R3HCC1L: variants seen among roughly 807,000 people sequenced by gnomAD.
The protein encoded by R3HCC1L is coiled-coil domain-containing protein R3HCC1L.
In R3HCC1L, 51 loss-of-function variants were observed where a neutral mutation model predicts 59.9. The observed-to-expected ratio is 0.85, with a 90% CI of 0.68 to 1.07. The LOEUF (loss-of-function observed/expected upper bound fraction) is 1.07. R3HCC1L is among the 50% of genes least tolerant of loss of function. R3HCC1L has a pLI of 0.00. For synonymous variants in R3HCC1L, 322 were observed against 315.2 expected (o/e 1.02, Z -0.23); for missense variants, 965 against 933.0 (o/e 1.03, Z -0.45).
In R3HCC1L at chr10:98,236,316, CAGG is replaced by C. The variant is rs774804210; in HGVS notation, c.2269+155_2269+157del. On this transcript the variant is annotated intron_variant, in intron 9 of 9. Coordinates refer to ENST00000298999, the MANE Select transcript of R3HCC1L (RefSeq NM_001351015.2). ...TATAGAAATTTTCATGCCTTACGTCCAGGAGAAGATGTTTCAGGATTGTCTGCC... is the reference window on the plus strand; with the variant it reads ...TATAGAAATTTTCATGCCTTACGTCCAGAAGATGTTTCAGGATTGTCTGCC... 5.0e-6 allele frequency: 5 copies of C among 991,996 alleles called. No individual in the cohort carries two copies. In the East Asian group the frequency reaches 1.1e-4, roughly 22 times the overall value. 61.4% of individuals were successfully genotyped at this position (991,996 alleles called of 1,614,324 possible). A position where few individuals can be genotyped will look rare whatever the true frequency, so the allele number is the denominator to read the frequency against.
At chr10:98,221,407 G>T (rs1156890389) in intron 5 of R3HCC1L, among the ~76,000 whole-genome samples, 3 of 148,380 alleles carry the variant, frequency 2.0e-5, no homozygotes, top group South Asian at 2.2e-4. Flanking sequence ...GTCAATTTTG[G>T]CTTTTGTTGC....
chr10:98,241,150 G>T (rs1301939297), intron 9 of R3HCC1L, among the ~76,000 whole-genome samples: 2 of 151,930 alleles, frequency 1.3e-5, no homozygotes, highest in Admixed American at 1.3e-4. Context: ...ACTTCTCCTT[G>T]ATCTACTATG....
intron 5 of R3HCC1L, among the ~76,000 whole-genome samples, chr10:98,221,940 A>T (rs1267748063): frequency 6.6e-6 from 1 of 152,100 alleles, no homozygotes; most frequent in African/African-American, 2.4e-5. Flanking sequence ...CTTGATGGGG[A>T]TGGCATTGAA....
At chr10:98,195,096 G>T (rs945411602) in intron 4 of R3HCC1L, among the ~76,000 whole-genome samples, 1 of 152,140 alleles carries the variant, frequency 6.6e-6, no homozygotes, top group African/African-American at 2.4e-5. Context: ...AATGGATAAA[G>T]AAAATATGGC....
intron 4 of R3HCC1L, among the ~76,000 whole-genome samples, chr10:98,188,218 C>T (rs1323548703): frequency 6.6e-6 from 1 of 152,080 alleles, no homozygotes; most frequent in Non-Finnish European, 1.5e-5. Flanking sequence ...AGGAATGGTG[C>T]TGGGTATTGA....
At chr10:98,200,902 A>T (rs900123277) in intron 4 of R3HCC1L, among the ~76,000 whole-genome samples, 3 of 152,178 alleles carry the variant, frequency 2.0e-5, no homozygotes, top group Non-Finnish European at 4.4e-5. Flanking sequence ...AATTCTACCA[A>T]CAGTAAGCCC....
At chr10:98,182,587 C>T (rs983245375) in intron 4 of R3HCC1L, among the ~76,000 whole-genome samples, 5 of 152,154 alleles carry the variant, frequency 3.3e-5, no homozygotes, top group Non-Finnish European at 7.4e-5. Context: ...CAGACAGGAA[C>T]GTTAAGTCTG....
At chr10:98,197,336 C>T (rs1851546762) in intron 4 of R3HCC1L, among the ~76,000 whole-genome samples, 1 of 152,082 alleles carries the variant, frequency 6.6e-6, no homozygotes, top group African/African-American at 2.4e-5. Flanking sequence ...TTTCTCTTTT[C>T]CCTGATAATT....
At chr10:98,142,170 A>C (rs370852736) in intron 1 of R3HCC1L, among the ~76,000 whole-genome samples, 69 of 152,296 alleles carry the variant, frequency 4.5e-4, no homozygotes, top group Non-Finnish European at 9.0e-4. Flanking sequence ...TGAATTTGCA[A>C]GTTGGTCAAT....
At chr10:98,203,271 G>A (rs1304725718) in intron 4 of R3HCC1L, among the ~76,000 whole-genome samples, 1 of 152,136 alleles carries the variant, frequency 6.6e-6, no homozygotes, top group African/African-American at 2.4e-5. Context: ...TGTAAAGAGA[G>A]GAAGAGGAGG....
At position 98,215,159 on chromosome 10, in the gene R3HCC1L, G is replaced by T. The variant is rs368835510; in HGVS notation, c.1785+5260G>T. On this transcript the variant is annotated intron_variant, in intron 5 of 9. Coordinates refer to ENST00000298999, the MANE Select transcript of R3HCC1L (RefSeq NM_001351015.2). ...TGTGCCCAGCGCTGATCTTAGTGAT[G>T]TTGGGGGTAAAAGAGAAGGATAACA... Among the ~76,000 whole-genome samples the T allele has an allele frequency of 3.3e-5, 5 of 152,246 alleles. No individual in the cohort carries two copies. In the South Asian group the frequency reaches 1.0e-3, roughly 32 times the overall value.
intron 5 of R3HCC1L, among the ~76,000 whole-genome samples, chr10:98,222,152 G>A (rs1029184679): frequency 2.0e-5 from 3 of 152,150 alleles, no homozygotes; most frequent in Admixed American, 6.5e-5. Flanking sequence ...TTGTGAGTGG[G>A]AGTTCACTCA....
intron 5 of R3HCC1L, among the ~76,000 whole-genome samples, chr10:98,219,267 G>A (rs1051179078): frequency 2.0e-5 from 3 of 151,980 alleles, no homozygotes; most frequent in African/African-American, 7.2e-5. Flanking sequence ...AACTACCCCC[G>A]CTTTGCTTTT....
intron 5 of R3HCC1L, among the ~76,000 whole-genome samples, chr10:98,227,568 C>G (rs2135556676): frequency 8.5e-6 from 1 of 118,294 alleles, no homozygotes; most frequent in Non-Finnish European, 1.7e-5. Context: ...GGGTCATCAG[C>G]AGTGTGTGTT....
At chr10:98,182,923 G>A (rs555759503) in intron 4 of R3HCC1L, among the ~76,000 whole-genome samples, 3 of 152,158 alleles carry the variant, frequency 2.0e-5, no homozygotes, top group Non-Finnish European at 4.4e-5. Context: ...GCAGTGTCCC[G>A]ATTCTCCTTG....
intron 4 of R3HCC1L, among the ~76,000 whole-genome samples, chr10:98,166,301 G>A (rs866334716): frequency 6.6e-6 from 1 of 152,224 alleles, no homozygotes; most frequent in African/African-American, 2.4e-5. Flanking sequence ...GGCCATGCTG[G>A]CACCCTGATC....
Position 98,210,184 on chromosome 10 carries a change from A to G in R3HCC1L, c.1785+285A>G, listed in dbSNP as rs978710844. ...GGAAATGCAAAGGAAAACTTCTTCA[A>G]AAAGGTTTTTCTATGTTGACAAGGT... On this transcript the variant is annotated intron_variant, in intron 5 of 9. Coordinates refer to ENST00000298999, the MANE Select transcript of R3HCC1L (RefSeq NM_001351015.2). Among the ~76,000 whole-genome samples, 7 of 152,208 alleles carry G rather than the reference A, an allele frequency of 4.6e-5. No homozygotes were observed. In the East Asian group the frequency reaches 1.3e-3, roughly 29 times the overall value.
At chr10:98,236,982 A>T (rs558793184) in intron 9 of R3HCC1L, among the ~76,000 whole-genome samples, 1 of 152,304 alleles carries the variant, frequency 6.6e-6, no homozygotes, top group African/African-American at 2.4e-5. Flanking sequence ...CCATTAAACG[A>T]ATTGAAGTTT....
chr10:98,234,984 A>G (rs1443904275), intron 7 of R3HCC1L, among the ~76,000 whole-genome samples: 1 of 152,214 alleles, frequency 6.6e-6, no homozygotes, highest in African/African-American at 2.4e-5. Context: ...AAGAAAATAG[A>G]GATATTGAAA....
Sources: gnomAD v4.1 joint callset for allele counts (sites outside exome capture counted in the v4.1 genomes callset) on GRCh38, gnomAD v4.1.1 for gene constraint, MANE v1.5 for transcripts, NCBI Gene and HGNC (gene_info 2026-07-23, HGNC 2026-07-21) for gene names.